The following MPZL1 variants were observed in gnomAD, a reference collection of about 807,000 sequenced individuals.
The protein encoded by MPZL1 is myelin protein zero-like protein 1.
A neutral mutation model predicts 29.3 loss-of-function variants in MPZL1; 16 were observed. The ratio of observed to expected loss-of-function variants is 0.55; its 90% CI spans 0.37 to 0.83. The LOEUF (loss-of-function observed/expected upper bound fraction) is 0.83, where lower values mean the gene tolerates loss of function less well. Ranked by LOEUF, MPZL1 falls within the 40% of genes least tolerant of loss-of-function variation. The pLI is 0.00. For missense variants in MPZL1, 279 were observed against 332.9 expected, an observed-to-expected ratio of 0.84 and a Z score of 1.26; for synonymous variants, 143 against 132.0, an observed-to-expected ratio of 1.08 and a Z score of -0.57.
intron 1 of MPZL1, among the ~76,000 whole-genome samples, chr1:167,737,537 G>T (rs1178706002): frequency 2.0e-5 from 3 of 152,282 alleles, no homozygotes; most frequent in Non-Finnish European, 2.9e-5. Flanking sequence ...AGCAGATCGG[G>T]TTGTTAGTAC....
rs552150676 is a variant in MPZL1, at chr1:167,773,548, T to C, written c.605+180T>C. 4.1e-3 allele frequency: 2,585 copies of C among 628,698 alleles called. 14 individuals are homozygous for C. Among genetic ancestry groups the C allele is most frequent in the Middle Eastern group, 0.014 (31 of 2,162 alleles). The allele number at this position is 628,698 out of a possible 1,614,324, so 38.9% of individuals were successfully genotyped here. ...GGCAAGTGGAAATCAGTGGGCCTGC[T>C]ATTAAATGTGGAATATGATTCTAAT... On this transcript the variant is annotated intron_variant, in intron 4 of 5. Transcript: ENST00000359523.
intron 2 of MPZL1, among the ~76,000 whole-genome samples, chr1:167,771,142 C>G (rs879402777): frequency 2.6e-5 from 4 of 151,898 alleles, no homozygotes; most frequent in Non-Finnish European, 5.9e-5. Flanking sequence ...TCCCTGCGGC[C>G]TTCCGCAGTG....
chr1:167,738,652 CAGTGAGTG>C (rs935589647), intron 1 of MPZL1, among the ~76,000 whole-genome samples: 2 of 152,104 alleles, frequency 1.3e-5, no homozygotes, highest in African/African-American at 2.4e-5. Flanking sequence ...GTTCTCTTGA[CAGTGAGTG>C]AGTGAGTGAG....
chr1:167,778,581 T>A (rs898515557), intron 5 of MPZL1, among the ~76,000 whole-genome samples: 4 of 151,384 alleles, frequency 2.6e-5, no homozygotes, highest in African/African-American at 9.7e-5. Flanking sequence ...TTTAAAAAAA[T>A]AATAATTTAA....
chr1:167,739,503 A>G (rs1660471503), intron 1 of MPZL1, among the ~76,000 whole-genome samples: 1 of 151,572 alleles, frequency 6.6e-6, no homozygotes, highest in African/African-American at 2.4e-5. Context: ...GAGCTTTTGA[A>G]TTTTGAAAGA....
At chr1:167,735,915 A>G (rs1236740199) in intron 1 of MPZL1, among the ~76,000 whole-genome samples, 2 of 152,202 alleles carry the variant, frequency 1.3e-5, no homozygotes, top group Non-Finnish European at 2.9e-5. Context: ...CCATGATTGT[A>G]AACAATTCTA....
At chr1:167,751,796 T>C (rs1660766484) in intron 1 of MPZL1, among the ~76,000 whole-genome samples, 1 of 152,200 alleles carries the variant, frequency 6.6e-6, no homozygotes. Flanking sequence ...GTTAGTAGTA[T>C]TGTTTTTGAA....
intron 1 of MPZL1, among the ~76,000 whole-genome samples, chr1:167,742,404 C>T (rs1660550178): frequency 6.6e-6 from 1 of 152,030 alleles, no homozygotes; most frequent in African/African-American, 2.4e-5. Flanking sequence ...ATATTATGGG[C>T]AGATACCTTA....
chr1:167,736,256 CTTGTCT>C (rs1660375384), intron 1 of MPZL1, among the ~76,000 whole-genome samples: 1 of 152,156 alleles, frequency 6.6e-6, no homozygotes, highest in African/African-American at 2.4e-5. Context: ...TCACTGCATG[CTTGTCT>C]TTGGTAATTT....
At chr1:167,737,965 G>A (rs559281514) in intron 1 of MPZL1, among the ~76,000 whole-genome samples, 3 of 152,104 alleles carry the variant, frequency 2.0e-5, no homozygotes, top group East Asian at 3.9e-4. Context: ...TCTTGCTCTC[G>A]CTCAGGCTGG....
chr1:167,758,004 A>AT (rs1365328380), intron 1 of MPZL1, among the ~76,000 whole-genome samples: 1 of 152,006 alleles, frequency 6.6e-6, no homozygotes, highest in Non-Finnish European at 1.5e-5. Context: ...AAATAGAAAA[A>AT]TTATCTAGGC....
intron 1 of MPZL1, among the ~76,000 whole-genome samples, chr1:167,756,271 C>T (rs937521735): frequency 3.3e-5 from 5 of 151,998 alleles, no homozygotes; most frequent in South Asian, 4.2e-4. Flanking sequence ...ATCTCAGCCC[C>T]CTGAGTAGCT....
rs1274923103 is a variant in MPZL1, at chr1:167,765,725, A to C, written c.234A>C (p.Pro78=). Residue 78 remains proline (P), a synonymous_variant, in exon 2 of 6, where the codon CCA becomes CCC. Transcript: ENST00000359523. ...GLTSVSWSFQ[P]EGADTTVSFF... Reference sequence around the variant, plus strand: ...CCTCAGTCTCCTGGAGCTTCCAGCCAGAGGGGGCCGACACTACTGTGTCGG... The same window carrying C: ...CCTCAGTCTCCTGGAGCTTCCAGCCCGAGGGGGCCGACACTACTGTGTCGG... 4 of 1,611,802 alleles carry C rather than the reference A, an allele frequency of 2.5e-6. No individual in the cohort carries two copies. The South Asian group carries it at 4.4e-5, about 18-fold the overall frequency.
intron 5 of MPZL1, 38 bp from the exon 6 acceptor site, chr1:167,787,782 G>A (rs750375314): frequency 1.7e-5 from 26 of 1,509,846 alleles, no homozygotes; most frequent in South Asian, 1.5e-4. Flanking sequence ...AACCGCCAGC[G>A]TTTTCAGTCC....
chr1:167,786,756 C>T (rs971710639), intron 5 of MPZL1, among the ~76,000 whole-genome samples: 3 of 152,156 alleles, frequency 2.0e-5, no homozygotes, highest in Non-Finnish European at 2.9e-5. Flanking sequence ...TTTTAAACCA[C>T]GTGCTTTTGG....
intron 1 of MPZL1, among the ~76,000 whole-genome samples, chr1:167,756,805 A>G (rs1660877582): frequency 6.6e-6 from 1 of 152,148 alleles, no homozygotes; most frequent in African/African-American, 2.4e-5. Context: ...TGAGGGTATA[A>G]TGGTAAACAA....
At chr1:167,751,972 C>G (rs886596671) in intron 1 of MPZL1, among the ~76,000 whole-genome samples, 1 of 152,138 alleles carries the variant, frequency 6.6e-6, no homozygotes, top group African/African-American at 2.4e-5. Flanking sequence ...CTTTACAACT[C>G]AACCAAAAAG....
At chr1:167,785,949 T>A (rs542364489) in intron 5 of MPZL1, among the ~76,000 whole-genome samples, 1 of 152,208 alleles carries the variant, frequency 6.6e-6, no homozygotes, top group South Asian at 2.1e-4. Flanking sequence ...CCCACCACCA[T>A]GCCCGGCGAA....
chr1:167,745,432 CAG>C (rs1311265822), intron 1 of MPZL1, among the ~76,000 whole-genome samples: 1 of 152,054 alleles, frequency 6.6e-6, no homozygotes, highest in Non-Finnish European at 1.5e-5. Flanking sequence ...ACCTTGAACA[CAG>C]GGAATATCCT....
Sources: allele counts gnomAD v4.1 joint callset (sites outside exome capture counted in the v4.1 genomes callset), GRCh38; gene constraint gnomAD v4.1.1; transcripts MANE v1.5; gene names NCBI Gene and HGNC (gene_info 2026-07-23, HGNC 2026-07-21).